The following TLE4 variants were observed in gnomAD, a reference collection of about 807,000 sequenced individuals.
TLE4 encodes the protein TLE family member 4, transcriptional corepressor.
In TLE4, 8 loss-of-function variants were observed where a neutral mutation model predicts 92.8. That is an observed-to-expected ratio of 0.09 (90% CI 0.05 to 0.16). The LOEUF (loss-of-function observed/expected upper bound fraction) is 0.16, where lower values mean the gene tolerates loss of function less well. TLE4 is among the 10% of genes least tolerant of loss of function. The pLI, the probability that TLE4 is intolerant of heterozygous loss-of-function variation, is 1.00. For synonymous variants in TLE4, 371 were observed against 374.1 expected, an observed-to-expected ratio of 0.99 and a Z score of 0.10; for missense variants, 675 against 997.6, an observed-to-expected ratio of 0.68 and a Z score of 4.36.
Position 79,593,138 on chromosome 9 carries a change from A to C in TLE4, c.252+16961A>C, listed in dbSNP as rs181495817. ...AAGGAAAGTTAAGATGAAATTAAAAAGGCCATAGAGTACATTTTTGGTAAA... is the reference window on the plus strand; with the variant it reads ...AAGGAAAGTTAAGATGAAATTAAAACGGCCATAGAGTACATTTTTGGTAAA... On this transcript the variant is annotated intron_variant, in intron 4 of 19. Transcript: ENST00000376552. 1.8e-3 allele frequency among the ~76,000 whole-genome samples: 275 copies of C among 152,348 alleles called. 1 individual carries two copies. Among genetic ancestry groups the C allele is most frequent in the African/African-American group, 6.5e-3 (269 of 41,592 alleles).
At chr9:79,575,101 A>G (rs553821489) in intron 3 of TLE4, 165 bp downstream of exon 3, 69 of 442,714 alleles carry the variant, frequency 1.6e-4, no homozygotes, top group African/African-American at 1.2e-3. Flanking sequence ...CTAGGCTGTT[A>G]TAACTTGCCT....
In TLE4 at chr9:79,645,964, A is replaced by G. The variant is rs546693847; in HGVS notation, c.391-6629A>G. Among the ~76,000 whole-genome samples, 100 of 152,244 alleles carry G rather than the reference A, an allele frequency of 6.6e-4. 3 individuals carry two copies. In the South Asian group the frequency reaches 0.02, roughly 31 times the overall value. On this transcript the variant is annotated intron_variant, in intron 6 of 19. Coordinates refer to ENST00000376552, the MANE Select transcript of TLE4 (RefSeq NM_007005.6). ...TTTGCCATGATACATATTTTCCTCA[A>G]TAGGTCTTCCTCAGTGGTGGTTATG... is the stretch of plus-strand genomic sequence containing the variant.
intron 5 of TLE4, among the ~76,000 whole-genome samples, chr9:79,623,141 G>A (rs2051474071): frequency 1.3e-5 from 2 of 151,888 alleles, no homozygotes; most frequent in African/African-American, 4.8e-5. Context: ...GCAGTAATCA[G>A]CATTTTGTCT....
intron 8 of TLE4, among the ~76,000 whole-genome samples, chr9:79,668,240 C>T (rs2061717952): frequency 6.6e-6 from 1 of 152,190 alleles, no homozygotes; most frequent in Non-Finnish European, 1.5e-5. Flanking sequence ...ATGCTTGTTG[C>T]TGTTACCCCC....
chr9:79,591,800 A>G (rs559109085), intron 4 of TLE4, among the ~76,000 whole-genome samples: 12 of 152,330 alleles, frequency 7.9e-5, no homozygotes, highest in Admixed American at 7.2e-4. Flanking sequence ...ATTCATTGAT[A>G]GAAAAAGATA....
At chr9:79,606,866 A>T (rs2047129399) in intron 4 of TLE4, among the ~76,000 whole-genome samples, 1 of 152,138 alleles carries the variant, frequency 6.6e-6, no homozygotes, top group Non-Finnish European at 1.5e-5. Flanking sequence ...TAGTAGCATG[A>T]TTTATAATCC....
chr9:79,579,825 A>G (rs1245113009), intron 4 of TLE4, among the ~76,000 whole-genome samples: 1 of 152,192 alleles, frequency 6.6e-6, no homozygotes. Flanking sequence ...TTGCCAACTG[A>G]TAGGATATCA....
intron 12 of TLE4, 40 bp downstream of exon 12, chr9:79,708,290 T>C: frequency 6.2e-7 from 1 of 1,601,950 alleles, no homozygotes; most frequent in Non-Finnish European, 8.5e-7. Flanking sequence ...TTTATGCTCG[T>C]TTTTAAGAAT....
chr9:79,597,675 T>C (rs1475373939), intron 4 of TLE4, among the ~76,000 whole-genome samples: 1 of 152,172 alleles, frequency 6.6e-6, no homozygotes, highest in African/African-American at 2.4e-5. Flanking sequence ...AGCTGATTAT[T>C]GTCCTTCCCT....
In TLE4 at chr9:79,704,922, T is replaced by C. The variant is rs969235165; in HGVS notation, c.729+20T>C. On this transcript the variant is annotated intron_variant, in intron 9 of 19. Coordinates refer to ENST00000376552, the MANE Select transcript of TLE4 (RefSeq NM_007005.6). ...CGTTATGTAAGTTCATTCACCTTTG[T>C]GTTAGGGGAGGCCAGCTTGCCTTTT... 8.1e-6 allele frequency: 13 copies of C among 1,612,770 alleles called. No individual in the cohort carries two copies. The highest frequency in any genetic ancestry group is 1.1e-5 in the Non-Finnish European group (13 of 1,179,660).
Position 79,618,606 on chromosome 9 carries a change from G to A in TLE4, c.315+5888G>A, listed in dbSNP as rs191849851. ...TTGTTTCTAGTCACTGGGTGCCAAG[G>A]AGGATGGACATTTTCCTCCTTCTAC... On this transcript the variant is annotated intron_variant, in intron 5 of 19. Transcript: ENST00000376552. 6.6e-5 allele frequency among the ~76,000 whole-genome samples: 10 copies of A among 152,164 alleles called. No individual in the cohort carries two copies. The East Asian group carries it at 1.7e-3, about 26-fold the overall frequency.
chr9:79,698,822 G>GT lies in TLE4; in HGVS notation c.610-5957dup, dbSNP rs550474936. Among the ~76,000 whole-genome samples the GT allele has an allele frequency of 3.3e-3, 496 of 148,930 alleles. 4 individuals are homozygous for GT. The highest frequency in any genetic ancestry group is 0.01 in the African/African-American group (423 of 40,498). On this transcript the variant is annotated intron_variant, in intron 8 of 19. Transcript: ENST00000376552. ...TGACCAAGTAATTTTCATTTTAAAGGTTTTATATTTACTTTTTTCCAATTG... is the reference window on the plus strand; with the variant it reads ...TGACCAAGTAATTTTCATTTTAAAGGTTTTTATATTTACTTTTTTCCAATTG...
intron 6 of TLE4, chr9:79,649,742 T>C: frequency 2.4e-6 from 3 of 1,231,958 alleles, no homozygotes; most frequent in South Asian, 2.6e-5. Context: ...GTGAATGTCA[T>C]GTATAACTAT....
At chr9:79,660,716 G>A (rs1313471689) in intron 8 of TLE4, among the ~76,000 whole-genome samples, 6 of 152,198 alleles carry the variant, frequency 3.9e-5, no homozygotes, top group African/African-American at 7.2e-5. Flanking sequence ...TGTGTGAAAC[G>A]TAACAGGTGT....
At chr9:79,619,107 C>T (rs567490296) in intron 5 of TLE4, among the ~76,000 whole-genome samples, 17 of 152,220 alleles carry the variant, frequency 1.1e-4, no homozygotes, top group African/African-American at 3.9e-4. Context: ...CTCTCCATTG[C>T]ATTTATTTGG....
At chr9:79,653,713 C>G (rs1424582677) in intron 7 of TLE4, among the ~76,000 whole-genome samples, 1 of 152,158 alleles carries the variant, frequency 6.6e-6, no homozygotes, top group Non-Finnish European at 1.5e-5. Flanking sequence ...AAATATCCAT[C>G]TCTGATATTA....
At chr9:79,665,146 C>G (rs1259317815) in intron 8 of TLE4, among the ~76,000 whole-genome samples, 3 of 152,116 alleles carry the variant, frequency 2.0e-5, no homozygotes, top group Admixed American at 6.5e-5. Context: ...ACAGCTATAC[C>G]TCTGTATGTA....
intron 8 of TLE4, among the ~76,000 whole-genome samples, chr9:79,654,850 T>C (rs2059542908): frequency 6.6e-6 from 1 of 152,054 alleles, no homozygotes; most frequent in African/African-American, 2.4e-5. Context: ...ACAATATAAA[T>C]ACACCATTGT....
chr9:79,711,776 T>C (rs1565132448), intron 14 of TLE4, among the ~76,000 whole-genome samples: 3 of 152,226 alleles, frequency 2.0e-5, no homozygotes, highest in Non-Finnish European at 4.4e-5. Context: ...TATAAAATGT[T>C]TAAATGTTTA....
Sources: allele counts gnomAD v4.1 joint callset (sites outside exome capture counted in the v4.1 genomes callset), GRCh38; gene constraint gnomAD v4.1.1; transcripts MANE v1.5; gene names NCBI Gene and HGNC (gene_info 2026-07-23, HGNC 2026-07-21).